CDH7: variants seen among roughly 807,000 people sequenced by gnomAD.
CDH7 encodes cadherin 7, also known as cadherin-7.
CDH7 carries 25 observed loss-of-function variants against 71.8 expected under a neutral mutation model. That is an observed-to-expected ratio of 0.35 (90% CI 0.25 to 0.49). The LOEUF (loss-of-function observed/expected upper bound fraction) is 0.49, where lower values mean the gene tolerates loss of function less well. Among genes scored for constraint, CDH7 ranks in the 20% least tolerant of loss-of-function variants. The pLI, the probability that CDH7 is intolerant of heterozygous loss-of-function variation, is 0.99. For synonymous variants in CDH7, 381 were observed against 363.8 expected (o/e 1.05, Z -0.54); for missense variants, 862 against 974.6 (o/e 0.88, Z 1.54).
chr18:65,771,537 A>G (rs1190966888), intron 2 of CDH7, among the ~76,000 whole-genome samples: 1 of 151,848 alleles, frequency 6.6e-6, no homozygotes, highest in Non-Finnish European at 1.5e-5. Flanking sequence ...GCCGGACGTC[A>G]TTGCATGTGC....
chr18:65,779,257 C>T (rs868363969), intron 2 of CDH7, among the ~76,000 whole-genome samples: 1,899 of 72,772 alleles, frequency 0.026, no homozygotes, highest in Middle Eastern at 0.065. Flanking sequence ...AGAAAACATT[C>T]TTTTTTTTTT....
At chr18:65,786,588 T>C (rs1344622325) in intron 2 of CDH7, among the ~76,000 whole-genome samples, 4 of 152,192 alleles carry the variant, frequency 2.6e-5, no homozygotes, top group Non-Finnish European at 5.9e-5. Flanking sequence ...TTGTTTAAAA[T>C]GATGTTGTAA....
Position 65,880,912 on chromosome 18 carries a change from G to A in CDH7, c.*18G>A, listed in dbSNP as rs888880445. On this transcript the variant is annotated 3_prime_UTR_variant, in exon 12 of 12. Transcript: ENST00000397968. ...ACTCATAGCCTTGGAACCTTAATTC[G>A]AAATGTACTGAAGAAAAAGTAACAG... 3.2e-6 allele frequency: 5 copies of A among 1,553,014 alleles called. No homozygotes were observed. The highest frequency in any genetic ancestry group is 4.3e-6 in the Non-Finnish European group (5 of 1,152,478).
At chr18:65,825,260 A>G (rs1912085389) in intron 6 of CDH7, among the ~76,000 whole-genome samples, 1 of 151,902 alleles carries the variant, frequency 6.6e-6, no homozygotes, top group Non-Finnish European at 1.5e-5. Context: ...AAATGTTGAA[A>G]ACTTGCTACA....
chr18:65,792,622 T>C (rs1910754636), intron 2 of CDH7, among the ~76,000 whole-genome samples: 1 of 152,024 alleles, frequency 6.6e-6, no homozygotes, highest in Non-Finnish European at 1.5e-5. Context: ...TTTCTTTACA[T>C]GGCCACAGAG....
intron 4 of CDH7, among the ~76,000 whole-genome samples, 199 bp downstream of exon 4, chr18:65,814,803 C>T (rs1461159684): frequency 6.6e-6 from 1 of 152,006 alleles, no homozygotes; most frequent in African/African-American, 2.4e-5. Context: ...AGTATCTTAA[C>T]AAAGTTAAAA....
rs7244243 is a variant in CDH7 at position 65,762,670 on chromosome 18, C to A, written c.-173C>A. The A allele has an allele frequency of 0.34, 199,697 of 582,506 alleles. 36,326 individuals are homozygous for A. The highest frequency in any genetic ancestry group is 0.52 in the African/African-American group (27,832 of 53,416). 36.1% of individuals were successfully genotyped at this position (582,506 alleles called of 1,614,324 possible). On this transcript the variant is annotated 5_prime_UTR_variant, in exon 2 of 12. Coordinates refer to ENST00000397968, the MANE Select transcript of CDH7 (RefSeq NM_004361.5). ...AGGTACTTACTACACCATTCTTTGG[C>A]GAAGGCTATTCAGCAGTGGTGACCT...
At position 65,858,882 on chromosome 18, in the gene CDH7, G is replaced by A. The variant is rs367817697; in HGVS notation, c.1373-43G>A. The A allele has an allele frequency of 3.0e-4, 472 of 1,579,596 alleles. 2 individuals are homozygous for A. The highest frequency in any genetic ancestry group is 8.9e-4 in the Admixed American group (52 of 58,536). ...ATTTTATTATTAGAATTGTGCTTTA[G>A]ATGGGCAAAGAGTAAATGATAAGAC... On this transcript the variant is annotated intron_variant, in intron 8 of 11. Coordinates refer to ENST00000397968, the MANE Select transcript of CDH7 (RefSeq NM_004361.5).
intron 6 of CDH7, among the ~76,000 whole-genome samples, chr18:65,830,502 T>C (rs1912298341): frequency 6.6e-6 from 1 of 151,972 alleles, no homozygotes. Flanking sequence ...TTCCTGGTTA[T>C]AAATACATTT....
In CDH7 at chr18:65,890,173, GT is replaced by G. The variant is rs1914467515; in HGVS notation, c.*9282del. ...AGCTTTACCGACTTTGTACGACTTG[GT>G]TTAATTTATTCAGCTTAATGGTCCA... On this transcript the variant is annotated 3_prime_UTR_variant, in exon 12 of 12. Transcript: ENST00000397968. 1 of 151,960 alleles carries G rather than the reference GT, an allele frequency of 6.6e-6. No homozygotes were observed. Among genetic ancestry groups the G allele is most frequent in the Admixed American group, 6.6e-5 (1 of 15,250 alleles). 9.4% of individuals were successfully genotyped at this position (151,960 alleles called of 1,614,324 possible).
rs905248399 is a variant in CDH7, at chr18:65,877,976, T to A, written c.1865-2425T>A. Among the ~76,000 whole-genome samples, 3 of 152,188 alleles carry A rather than the reference T, an allele frequency of 2.0e-5. No individual in the cohort carries two copies. In the East Asian group the frequency reaches 5.8e-4, roughly 29 times the overall value. Reference sequence around the variant, plus strand: ...ACTAAGCATACAGTGTTATAAACAGTGCGGGGGCTTTGAAGACAGACTGAG... The same window carrying A: ...ACTAAGCATACAGTGTTATAAACAGAGCGGGGGCTTTGAAGACAGACTGAG... On this transcript the variant is annotated intron_variant, in intron 11 of 11. Coordinates refer to ENST00000397968, the MANE Select transcript of CDH7 (RefSeq NM_004361.5).
intron 3 of CDH7, among the ~76,000 whole-genome samples, chr18:65,811,763 C>G (rs1911545589): frequency 6.6e-6 from 1 of 152,020 alleles, no homozygotes; most frequent in Admixed American, 6.6e-5. Context: ...TAAGGTTTTC[C>G]TTTCCTGCAT....
At chr18:65,773,799 A>C (rs1916617531) in intron 2 of CDH7, among the ~76,000 whole-genome samples, 1 of 152,126 alleles carries the variant, frequency 6.6e-6, no homozygotes, top group Admixed American at 6.6e-5. Context: ...TGGTTACTGC[A>C]TGTATGGGAC....
At chr18:65,822,983 A>C (rs1911991235) in intron 5 of CDH7, among the ~76,000 whole-genome samples, 1 of 151,766 alleles carries the variant, frequency 6.6e-6, no homozygotes, top group Admixed American at 6.6e-5. Flanking sequence ...TCTTTAGAAC[A>C]CTCAAGAAAA....
In CDH7 at chr18:65,843,867, A is replaced by G; in HGVS notation, c.1037A>G (p.Lys346Arg). The G allele has an allele frequency of 6.3e-7, 1 of 1,582,434 alleles. No individual in the cohort carries two copies. The highest frequency in any genetic ancestry group is 1.1e-5 in the South Asian group (1 of 88,352). Reference sequence around the variant, plus strand: ...ACGCTACGGATAGAAGCTGCAAATAAAGATGCCGACCCTCGCTTTCTGAGC... The same window carrying G: ...ACGCTACGGATAGAAGCTGCAAATAGAGATGCCGACCCTCGCTTTCTGAGC... The part of the protein sequence containing the change: ...SYTLRIEAAN[K>R]DADPRFLSLG... The change falls in exon 7 of 12, where the codon AAA (lysine) becomes AGA (arginine). Residue 346 changes from lysine to arginine, a missense_variant. Lys to Arg is a conservative substitution (Grantham distance 26). Transcript: ENST00000397968.
chr18:65,815,509 A>G (rs553260805), intron 4 of CDH7, among the ~76,000 whole-genome samples: 5 of 152,328 alleles, frequency 3.3e-5, no homozygotes, highest in African/African-American at 1.2e-4. Flanking sequence ...TGTTTACCAA[A>G]AGGGCAATAT....
intron 2 of CDH7, among the ~76,000 whole-genome samples, chr18:65,763,379 T>A (rs891772743): frequency 2.0e-5 from 3 of 152,130 alleles, no homozygotes; most frequent in African/African-American, 4.8e-5. Context: ...AGACTATTCA[T>A]AAAAAATGAA....
rs1914459132 is a variant in CDH7, at chr18:65,889,778, A to G, written c.*8884A>G. On this transcript the variant is annotated 3_prime_UTR_variant, in exon 12 of 12. Transcript: ENST00000397968. ...GTGCAAGAAGGAACTTGTGAAGCTA[A>G]AAAATAGAATGCAATAAATTAGCTA... The G allele has an allele frequency of 6.6e-6, 1 of 152,222 alleles. No individual in the cohort carries two copies. The highest frequency in any genetic ancestry group is 6.5e-5 in the Admixed American group (1 of 15,290). The allele number at this position is 152,222 out of a possible 1,614,324, so 9.4% of individuals were successfully genotyped here. A position where few individuals can be genotyped will look rare whatever the true frequency, so the allele number is the denominator to read the frequency against.
At chr18:65,853,173 C>A (rs960510922) in intron 7 of CDH7, among the ~76,000 whole-genome samples, 27 of 152,096 alleles carry the variant, frequency 1.8e-4, no homozygotes, top group Admixed American at 1.4e-3. Flanking sequence ...TTTGCAGAAG[C>A]TAGAGAGATT....
Sources: gnomAD v4.1 joint callset for allele counts (sites outside exome capture counted in the v4.1 genomes callset) on GRCh38, gnomAD v4.1.1 for gene constraint, MANE v1.5 for transcripts, NCBI Gene and HGNC (gene_info 2026-07-23, HGNC 2026-07-21) for gene names.